Variants in PRELID2 observed in about 807,000 individuals in gnomAD.
The protein encoded by PRELID2 is PRELI domain containing 2, also known as PRELI domain-containing protein 2.
A neutral mutation model predicts 28.4 loss-of-function variants in PRELID2; 25 were observed. The observed-to-expected ratio is 0.88, with a 90% confidence interval of 0.64 to 1.23. The LOEUF is 1.23. Among genes scored for constraint, PRELID2 ranks in the 50% most tolerant of loss-of-function variants. The probability of loss-of-function intolerance (pLI) is 0.00; values close to 1 mark genes in which losing one functional copy is unlikely to be tolerated. For missense variants in PRELID2, 201 were observed against 214.4 expected, an observed-to-expected ratio of 0.94 and a Z score of 0.39; for synonymous variants, 76 against 71.6, an observed-to-expected ratio of 1.06 and a Z score of -0.31.
At chr5:145,661,736 G>A (rs376577854) in intron 1 of PRELID2, among the ~76,000 whole-genome samples, 231 of 149,178 alleles carry the variant, frequency 1.5e-3, no homozygotes, top group African/African-American at 5.3e-3. Context: ...TACATTAGCC[G>A]CCTGAGAATA....
the PRELID2 span, among the ~76,000 whole-genome samples, chr5:145,230,514 G>T: frequency 6.6e-6 from 1 of 152,114 alleles, no homozygotes; most frequent in South Asian, 2.1e-4. Flanking sequence ...GGGAGGTGGA[G>T]GTTGCAGTGA....
the PRELID2 span, among the ~76,000 whole-genome samples, chr5:145,396,651 A>C: frequency 6.6e-6 from 1 of 152,138 alleles, no homozygotes; most frequent in African/African-American, 2.4e-5. Flanking sequence ...ATAAAAAGCT[A>C]GGGACTTCTT....
intron 1 of PRELID2, among the ~76,000 whole-genome samples, chr5:145,723,379 T>C (rs1756044668): frequency 6.6e-6 from 1 of 152,182 alleles, no homozygotes; most frequent in African/African-American, 2.4e-5. Flanking sequence ...CTATTCAATG[T>C]AGAGAGGTCT....
At chr5:145,315,213 G>A in the PRELID2 span, among the ~76,000 whole-genome samples, 1 of 151,710 alleles carries the variant, frequency 6.6e-6, no homozygotes, top group Non-Finnish European at 1.5e-5. Flanking sequence ...GGGACTACAG[G>A]CACGTGCCAC....
chr5:145,816,257 AT>A (rs745483204), intron 4 of PRELID2, among the ~76,000 whole-genome samples: 11 of 151,434 alleles, frequency 7.3e-5, no homozygotes, highest in Non-Finnish European at 1.6e-4. Flanking sequence ...TAATTGTTGT[AT>A]TTTTAGTAGA....
At chr5:145,575,080 C>T (rs1753049253) in intron 1 of PRELID2, among the ~76,000 whole-genome samples, 1 of 152,094 alleles carries the variant, frequency 6.6e-6, no homozygotes, top group African/African-American at 2.4e-5. Flanking sequence ...GTTATGGGAC[C>T]CTGTTGTAGT....
chr5:145,546,763 G>C (rs1032257404), intron 1 of PRELID2, among the ~76,000 whole-genome samples: 4 of 152,072 alleles, frequency 2.6e-5, no homozygotes, highest in Non-Finnish European at 5.9e-5. Context: ...CTTTATCTCA[G>C]CTATTTTTCA....
At chr5:145,556,876 C>A (rs1023639290) in intron 1 of PRELID2, among the ~76,000 whole-genome samples, 7 of 152,166 alleles carry the variant, frequency 4.6e-5, no homozygotes, top group Admixed American at 3.3e-4. Flanking sequence ...GGTAACTCCT[C>A]CTACTCATCC....
the PRELID2 span, among the ~76,000 whole-genome samples, chr5:145,285,117 A>G: frequency 6.6e-6 from 1 of 152,102 alleles, no homozygotes; most frequent in African/African-American, 2.4e-5. Context: ...ACCCGAGTCT[A>G]TATAATCAAA....
the PRELID2 span, among the ~76,000 whole-genome samples, chr5:145,376,607 T>A: frequency 1.3e-5 from 2 of 152,320 alleles, no homozygotes; most frequent in African/African-American, 4.8e-5. Context: ...CAGTTCTTCC[T>A]GGTTCAGTCT....
chr5:145,745,144 T>G (rs1026770464), intron 1 of PRELID2, among the ~76,000 whole-genome samples: 4 of 151,652 alleles, frequency 2.6e-5, no homozygotes, highest in Admixed American at 1.3e-4. Flanking sequence ...AAATAAGGCA[T>G]GCACACAAAA....
the PRELID2 span, among the ~76,000 whole-genome samples, chr5:145,316,292 G>C: frequency 2.0e-5 from 3 of 152,158 alleles, no homozygotes. Flanking sequence ...AGAGAAAATA[G>C]CCTTTTAGTA....
chr5:145,690,511 C>T (rs2149695273), intron 1 of PRELID2, among the ~76,000 whole-genome samples: 1 of 152,248 alleles, frequency 6.6e-6, no homozygotes, highest in Admixed American at 6.5e-5. Context: ...AGGGGAACTC[C>T]TGCAGCTACA....
chr5:145,389,746 A>T, the PRELID2 span, among the ~76,000 whole-genome samples: 1 of 152,206 alleles, frequency 6.6e-6, no homozygotes, highest in Non-Finnish European at 1.5e-5. Context: ...TAGGTTGCTC[A>T]CTTTGTCTCT....
chr5:145,626,105 G>C (rs1386836922), intron 1 of PRELID2, among the ~76,000 whole-genome samples: 1 of 152,042 alleles, frequency 6.6e-6, no homozygotes, highest in East Asian at 1.9e-4. Flanking sequence ...AAAAACTCTT[G>C]TGAACTTTGG....
intron 1 of PRELID2, among the ~76,000 whole-genome samples, chr5:145,742,153 TATTATAAATTTATTTATTA>T: frequency 1.7e-4 from 1 of 5,732 alleles, no homozygotes; most frequent in Non-Finnish European, 8.6e-4. Flanking sequence ...TTTATTTATT[TATTATAAATTTATTTATTA>T]ATTATAAATT....
At chr5:145,824,463 T>TGTGTGTGTGTGA (rs373555427) in intron 1 of PRELID2, among the ~76,000 whole-genome samples, 15,486 of 143,436 alleles carry the variant, frequency 0.11, 1,208 homozygotes, top group Non-Finnish European at 0.15. Flanking sequence ...TGTGTGTGTG[T>TGTGTGTGTGTGA]GATATTGATT....
intron 1 of PRELID2, among the ~76,000 whole-genome samples, chr5:145,646,910 CTGCCAGA>C (rs1309563212): frequency 6.6e-6 from 1 of 152,190 alleles, no homozygotes; most frequent in African/African-American, 2.4e-5. Context: ...GGAATGGCAC[CTGCCAGA>C]TGCCGGCCAG....
At chr5:145,523,485 A>G (rs552767315) in intron 1 of PRELID2, among the ~76,000 whole-genome samples, 5 of 152,286 alleles carry the variant, frequency 3.3e-5, no homozygotes, top group Admixed American at 2.6e-4. Context: ...AACAACAAAA[A>G]TTTATTTCTC....
Sources: gnomAD v4.1 joint callset for allele counts (sites outside exome capture counted in the v4.1 genomes callset) on GRCh38, gnomAD v4.1.1 for gene constraint, MANE v1.5 for transcripts, NCBI Gene and HGNC (gene_info 2026-07-23, HGNC 2026-07-21) for gene names.